The following ARSF variants were observed in gnomAD, a reference collection of about 807,000 sequenced individuals.
ARSF encodes arylsulfatase F.
ARSF carries 33 observed loss-of-function variants against 35.4 expected under a neutral mutation model. That is an observed-to-expected ratio of 0.93 (90% CI 0.71 to 1.25). The LOEUF (loss-of-function observed/expected upper bound fraction) is 1.25, where lower values mean the gene tolerates loss of function less well. Ranked by LOEUF, ARSF falls within the 50% of genes most tolerant of loss-of-function variation. The probability of loss-of-function intolerance (pLI) is 0.00; values close to 1 mark genes in which losing one functional copy is unlikely to be tolerated. For missense variants in ARSF, 501 were observed against 480.2 expected (o/e 1.04, Z -0.40); for synonymous variants, 222 against 193.1 (o/e 1.15, Z -1.24).
At chrX:3,043,653 G>A (rs2089963873) in intron 1 of ARSF, among the ~76,000 whole-genome samples, 1 of 111,025 alleles carries the variant, frequency 9.0e-6, no homozygotes, top group Non-Finnish European at 1.9e-5. Flanking sequence ...GCTGGCTCCC[G>A]TAATTTTTTA....
At chrX:3,040,440 T>C (rs765699925), upstream of ARSF, among the ~76,000 whole-genome samples, 1 of 110,993 alleles carries the variant, frequency 9.0e-6, no homozygotes, top group Non-Finnish European at 1.9e-5. Context: ...CCTAGGAAGT[T>C]GTTGTATAGG....
At chrX:3,091,072 G>A (rs1017079077) in intron 7 of ARSF, among the ~76,000 whole-genome samples, 10 of 110,562 alleles carry the variant, frequency 9.0e-5, no homozygotes, top group East Asian at 5.7e-4. Flanking sequence ...ATGCTACTGC[G>A]CCCGGCTAAT....
chrX:3,042,191 A>C (rs1299871021), intron 1 of ARSF, among the ~76,000 whole-genome samples: 11 of 112,179 alleles, frequency 9.8e-5, no homozygotes. Context: ...TATATATTTA[A>C]AATTTTTGCT....
rs761443411 is a variant in ARSF at position 3,112,398 on chromosome X, A to C, written c.1615A>C (p.Lys539Gln). The part of the protein sequence containing the change: ...FVIKKVANAL[K>Q]EHQETIVPVT... The stretch of plus-strand genomic sequence containing the variant: ...GATTAAAAAGGTGGCCAACGCCCTG[A>C]AGGAACACCAGGAAACCATCGTGCC... The change falls in exon 11 of 11, where the codon AAG becomes CAG. Residue 539 changes from lysine (K) to glutamine (Q), a missense_variant. Physicochemically the swap from Lys to Gln is moderately conservative, Grantham distance 53. Transcript: ENST00000381127. 7.4e-6 allele frequency: 9 copies of C among 1,209,383 alleles called. No homozygotes were observed. In the African/African-American group the frequency reaches 1.6e-4, roughly 21 times the overall value.
chrX:3,077,953 G>A (rs2090166572), intron 4 of ARSF, among the ~76,000 whole-genome samples: 1 of 105,908 alleles, frequency 9.4e-6, no homozygotes, highest in Admixed American at 1.0e-4. Flanking sequence ...ACAGGCACGT[G>A]CCACCAGGCC....
At chrX:3,046,500 CACTA>C (rs2089976104) in intron 1 of ARSF, among the ~76,000 whole-genome samples, 1 of 112,006 alleles carries the variant, frequency 8.9e-6, no homozygotes, top group South Asian at 3.8e-4. Context: ...TGTCTTCAGT[CACTA>C]AAGGTCAAAG....
chrX:3,091,863 T>C (rs914273664), intron 7 of ARSF, among the ~76,000 whole-genome samples: 10 of 109,976 alleles, frequency 9.1e-5, no homozygotes, highest in Non-Finnish European at 1.9e-4. Context: ...AGATGATGGA[T>C]GATAGATAGA....
At position 3,089,538 on chromosome X, in the gene ARSF, C is replaced by T. The variant is rs762587385; in HGVS notation, c.873C>T (p.His291=). The change falls in exon 7 of 11, where the codon CAC becomes CAT. Residue 291 remains histidine (H), a synonymous_variant. Coordinates refer to ENST00000381127, the MANE Select transcript of ARSF (RefSeq NM_001201539.2). ...TCCTTCTCTTTTTCTCCTTTCTTCACGTGCACACACCTCTCCCCACCACGG... is the reference window on the plus strand; with the variant it reads ...TCCTTCTCTTTTTCTCCTTTCTTCATGTGCACACACCTCTCCCCACCACGG... ...ETFLLFFSFL[H]VHTPLPTTDD... 3.1e-5 allele frequency: 38 copies of T among 1,209,990 alleles called. No individual in the cohort carries two copies. Among genetic ancestry groups the T allele is most frequent in the Admixed American group, 4.4e-5 (2 of 45,739 alleles).
chrX:3,067,638 C>A (rs1361362205), intron 1 of ARSF, among the ~76,000 whole-genome samples: 1 of 110,332 alleles, frequency 9.1e-6, no homozygotes, highest in Non-Finnish European at 1.9e-5. Flanking sequence ...ACGGGCAGAG[C>A]ACTTGAGGTC....
chrX:3,072,279 C>A (rs904044938), intron 3 of ARSF, 104 bp downstream of exon 3: 1 of 849,493 alleles, frequency 1.2e-6, no homozygotes, highest in Non-Finnish European at 1.6e-6. Context: ...TTTGTTGGGA[C>A]TTTTTTTTAA....
chrX:3,099,029 T>C (rs5939442), intron 7 of ARSF, among the ~76,000 whole-genome samples: 28,550 of 109,945 alleles, frequency 0.26, 2,898 homozygotes, highest in African/African-American at 0.34. Context: ...TCTTCCTTTC[T>C]CCTGATCATC....
chrX:3,079,988 A>G (rs1469838857), intron 4 of ARSF, among the ~76,000 whole-genome samples: 2 of 103,795 alleles, frequency 1.9e-5, no homozygotes, highest in East Asian at 6.1e-4. Flanking sequence ...AAAAAAAAAA[A>G]AAAAGAGAGA....
chrX:3,079,954 A>G (rs183610138), intron 4 of ARSF, among the ~76,000 whole-genome samples: 56 of 86,387 alleles, frequency 6.5e-4, no homozygotes, highest in Non-Finnish European at 1.1e-3. Flanking sequence ...GTGAGATTTC[A>G]TGTCAACAAC....
chrX:3,091,564 T>C (rs948504224), intron 7 of ARSF, among the ~76,000 whole-genome samples: 2 of 112,732 alleles, frequency 1.8e-5, no homozygotes, highest in African/African-American at 6.4e-5. Context: ...AGAAAGACGC[T>C]TTGGAAAATT....
At chrX:3,069,332 C>CT (rs199880105) in intron 2 of ARSF, among the ~76,000 whole-genome samples, 3,136 of 110,618 alleles carry the variant, frequency 0.028, 36 homozygotes, top group Middle Eastern at 0.07. Flanking sequence ...TATTCTCACA[C>CT]TTTTTCTTCT....
rs150803359 is a variant in ARSF at position 3,098,841 on chromosome X, G to A, written c.968-2246G>A. ...TCCTTATAATTTTCTTTATTTTTTT[G>A]TATTTCCCAAGCTATTTTGTATTTT... On this transcript the variant is annotated intron_variant, in intron 7 of 10. Coordinates refer to ENST00000381127, the MANE Select transcript of ARSF (RefSeq NM_001201539.2). Among the ~76,000 whole-genome samples the A allele has an allele frequency of 9.7e-3, 1,067 of 110,318 alleles. 14 individuals are homozygous for A. Among genetic ancestry groups the A allele is most frequent in the African/African-American group, 0.033 (1,005 of 30,345 alleles).
At chrX:3,041,147 T>A (rs1436189469), upstream of ARSF, among the ~76,000 whole-genome samples, 28 of 110,835 alleles carry the variant, frequency 2.5e-4, no homozygotes, top group Admixed American at 3.9e-4. Context: ...TGTTCACACT[T>A]TAAACTGCTG....
At chrX:3,077,835 G>A (rs1351676409) in intron 4 of ARSF, among the ~76,000 whole-genome samples, 7 of 50,292 alleles carry the variant, frequency 1.4e-4, no homozygotes, top group Admixed American at 2.8e-4. Flanking sequence ...ATGGAGTCTC[G>A]CTCTGTTACC....
intron 3 of ARSF, 57 bp from the exon 4 acceptor site, chrX:3,076,491 T>C (rs1471366924): frequency 8.8e-7 from 1 of 1,138,674 alleles, no homozygotes; most frequent in East Asian, 3.3e-5. Context: ...TCCTCTCTGC[T>C]TCCCCCGCCC....
Sources: allele counts gnomAD v4.1 joint callset (sites outside exome capture counted in the v4.1 genomes callset), GRCh38; gene constraint gnomAD v4.1.1; transcripts MANE v1.5; gene names NCBI Gene and HGNC (gene_info 2026-07-23, HGNC 2026-07-21).